Variants in KCNAB1 observed in about 807,000 individuals in gnomAD.
The protein encoded by KCNAB1 is voltage-gated potassium channel subunit beta-1.
KCNAB1 carries 35 observed loss-of-function variants against 64.6 expected under a neutral mutation model. The observed-to-expected ratio is 0.54, with a 90% CI of 0.41 to 0.72. The LOEUF (loss-of-function observed/expected upper bound fraction) is 0.72. KCNAB1 is among the 30% of genes least tolerant of loss of function. KCNAB1 has a pLI of 0.00. For synonymous variants in KCNAB1, 177 were observed against 183.8 expected (o/e 0.96, Z 0.30); for missense variants, 401 against 512.9 (o/e 0.78, Z 2.11).
intron 2 of KCNAB1, among the ~76,000 whole-genome samples, chr3:156,446,451 T>C (rs1711563775): frequency 6.6e-6 from 1 of 152,242 alleles, no homozygotes; most frequent in Admixed American, 6.5e-5. Context: ...AATTCTTTAG[T>C]GACGTAACAG....
chr3:156,510,442 C>G (rs1717129249), intron 8 of KCNAB1, among the ~76,000 whole-genome samples: 3 of 152,164 alleles, frequency 2.0e-5, no homozygotes, highest in African/African-American at 7.2e-5. Flanking sequence ...CTCTCTCCCT[C>G]TTCCTTCCCA....
intron 1 of KCNAB1, among the ~76,000 whole-genome samples, chr3:156,356,160 G>A (rs1725225403): frequency 6.8e-6 from 1 of 146,738 alleles, no homozygotes; most frequent in South Asian, 2.2e-4. Context: ...GAAAGAGAGA[G>A]AAAGCAAGCA....
intron 8 of KCNAB1, among the ~76,000 whole-genome samples, chr3:156,477,413 A>T (rs887063168): frequency 6.6e-6 from 1 of 152,186 alleles, no homozygotes. Flanking sequence ...GTCAAGGCAC[A>T]TGGCATTTTG....
intron 2 of KCNAB1, among the ~76,000 whole-genome samples, chr3:156,437,705 T>C (rs919206462): frequency 2.6e-5 from 4 of 152,198 alleles, no homozygotes; most frequent in Admixed American, 1.3e-4. Flanking sequence ...AGAAGGTTAG[T>C]AGTACTAATA....
intron 8 of KCNAB1, among the ~76,000 whole-genome samples, chr3:156,511,148 T>C (rs190288937): frequency 1.1e-3 from 163 of 152,202 alleles, no homozygotes; most frequent in African/African-American, 3.8e-3. Context: ...CTGTCCCCCA[T>C]GCTGGAGTGC....
At chr3:156,243,307 C>A (rs1013808702) in intron 1 of KCNAB1, among the ~76,000 whole-genome samples, 7 of 152,116 alleles carry the variant, frequency 4.6e-5, no homozygotes, top group Non-Finnish European at 8.8e-5. Context: ...TCACTGCAAC[C>A]CCCACCTCCT....
intron 2 of KCNAB1, among the ~76,000 whole-genome samples, chr3:156,425,320 T>C (rs1715744405): frequency 1.3e-5 from 2 of 152,260 alleles, no homozygotes; most frequent in African/African-American, 4.8e-5. Flanking sequence ...TTCCTTGCCC[T>C]GACAATTTTC....
At chr3:156,299,595 C>A (rs2107984553) in intron 1 of KCNAB1, among the ~76,000 whole-genome samples, 1 of 152,326 alleles carries the variant, frequency 6.6e-6, no homozygotes. Context: ...CTCCTGTATG[C>A]ATTTAGAGAT....
chr3:156,525,119 TCTTTA>T (rs982548844), intron 12 of KCNAB1, among the ~76,000 whole-genome samples: 1 of 152,276 alleles, frequency 6.6e-6, no homozygotes, highest in Non-Finnish European at 1.5e-5. Context: ...ATACTTTTCA[TCTTTA>T]CTTTAGAGTG....
At chr3:156,426,224 A>G (rs990810748) in intron 2 of KCNAB1, among the ~76,000 whole-genome samples, 2 of 152,166 alleles carry the variant, frequency 1.3e-5, no homozygotes, top group Non-Finnish European at 2.9e-5. Flanking sequence ...CAAAGGCTCC[A>G]TCTCTCTCCA....
intron 1 of KCNAB1, among the ~76,000 whole-genome samples, chr3:156,160,261 C>G (rs1241111542): frequency 6.6e-6 from 1 of 152,196 alleles, no homozygotes. Context: ...TTAAATCTTG[C>G]TAGGTGAGTG....
chr3:156,413,528 A>T (rs1714830386), intron 1 of KCNAB1, among the ~76,000 whole-genome samples: 1 of 152,160 alleles, frequency 6.6e-6, no homozygotes, highest in Non-Finnish European at 1.5e-5. Flanking sequence ...TTCTATTATT[A>T]TCCCCATGTA....
intron 11 of KCNAB1, among the ~76,000 whole-genome samples, chr3:156,522,442 C>A (rs925671993): frequency 3.3e-5 from 5 of 152,206 alleles, no homozygotes; most frequent in Admixed American, 2.0e-4. Context: ...CCACTGGCAC[C>A]AAATGTCATC....
At chr3:156,480,350 G>A (rs1714697555) in intron 8 of KCNAB1, among the ~76,000 whole-genome samples, 1 of 151,836 alleles carries the variant, frequency 6.6e-6, no homozygotes, top group South Asian at 2.1e-4. Context: ...TAAAAAGAGA[G>A]AGGAACAACA....
At chr3:156,371,411 C>T (rs1363483045) in intron 1 of KCNAB1, among the ~76,000 whole-genome samples, 2 of 152,184 alleles carry the variant, frequency 1.3e-5, no homozygotes, top group Non-Finnish European at 2.9e-5. Flanking sequence ...CTTCTAACAT[C>T]CCCAGCCTTC....
chr3:156,483,142 T>C (rs1714952483), intron 8 of KCNAB1, among the ~76,000 whole-genome samples: 1 of 152,062 alleles, frequency 6.6e-6, no homozygotes, highest in Non-Finnish European at 1.5e-5. Flanking sequence ...ATTGACCTTC[T>C]CCGTGGTGTG....
chr3:156,524,746 CAAAAAAAAAAAAAAAAAA>C (rs10553136), intron 12 of KCNAB1, among the ~76,000 whole-genome samples: 1 of 74,436 alleles, frequency 1.3e-5, no homozygotes, highest in African/African-American at 5.8e-5. Context: ...GACTCCATCT[CAAAAAAAAAAAAAAAAAA>C]AAAAAAAAAA....
chr3:156,486,773 C>T (rs910951459), intron 8 of KCNAB1, among the ~76,000 whole-genome samples: 2 of 152,154 alleles, frequency 1.3e-5, no homozygotes, highest in African/African-American at 4.8e-5. Context: ...ACCTGACACT[C>T]TTGTAGTCTT....
Position 156,291,288 on chromosome 3 carries a change from C to T in KCNAB1, c.276-130328C>T, listed in dbSNP as rs545420488. The T allele has an allele frequency of 4.0e-6, 4 of 989,834 alleles. No individual in the cohort carries two copies. The Admixed American group carries it at 2.3e-4, about 57-fold the overall frequency. The allele number at this position is 989,834 out of a possible 1,614,324, so 61.3% of individuals were successfully genotyped here. A position where few individuals can be genotyped will look rare whatever the true frequency, so the allele number is the denominator to read the frequency against. On this transcript the variant is annotated intron_variant, in intron 1 of 13. Transcript: ENST00000490337. Reference sequence around the variant, plus strand: ...AGTGGGGAGGGGTCTTGAGGAGCCCCCACGTCCTCCCGGAGCGGAGGCGGG... The same window carrying T: ...AGTGGGGAGGGGTCTTGAGGAGCCCTCACGTCCTCCCGGAGCGGAGGCGGG...
Sources: allele counts gnomAD v4.1 joint callset (sites outside exome capture counted in the v4.1 genomes callset), GRCh38; gene constraint gnomAD v4.1.1; transcripts MANE v1.5; gene names NCBI Gene and HGNC (gene_info 2026-07-23, HGNC 2026-07-21).